The following CDHR3 variants were observed in gnomAD, a reference collection of about 807,000 sequenced individuals.
The protein encoded by CDHR3 is cadherin related family member 3, also known as cadherin-related family member 3.
CDHR3 carries 79 observed loss-of-function variants against 86.6 expected under a neutral mutation model. That is an observed-to-expected ratio of 0.91 (90% CI 0.76 to 1.10). The LOEUF is 1.10. CDHR3 is among the 50% of genes least tolerant of loss of function. The pLI, the probability that CDHR3 is intolerant of heterozygous loss-of-function variation, is 0.00. For synonymous variants in CDHR3, 421 were observed against 402.4 expected, an observed-to-expected ratio of 1.05 and a Z score of -0.55; for missense variants, 1,081 against 1,077.6, an observed-to-expected ratio of 1.00 and a Z score of -0.04.
At chr7:105,997,962 C>G (rs1019128201) in intron 6 of CDHR3, among the ~76,000 whole-genome samples, 1 of 151,402 alleles carries the variant, frequency 6.6e-6, no homozygotes, top group African/African-American at 2.4e-5. Flanking sequence ...TTAAGTCAGT[C>G]GACTTTATTT....
intron 1 of CDHR3, among the ~76,000 whole-genome samples, chr7:105,970,796 T>A (rs1040833139): frequency 1.3e-5 from 2 of 152,158 alleles, no homozygotes; most frequent in African/African-American, 4.8e-5. Flanking sequence ...TACTACTACT[T>A]CTTTTACAAA....
intron 15 of CDHR3, among the ~76,000 whole-genome samples, chr7:106,025,732 A>T (rs2115901995): frequency 6.6e-6 from 1 of 152,362 alleles, no homozygotes; most frequent in South Asian, 2.1e-4. Flanking sequence ...CATTAGAATA[A>T]AGATGTGCGT....
intron 4 of CDHR3, among the ~76,000 whole-genome samples, chr7:105,987,130 C>T (rs560687152): frequency 2.6e-5 from 4 of 152,110 alleles, no homozygotes; most frequent in Non-Finnish European, 4.4e-5. Context: ...GATCAGGTAG[C>T]TACCCTTTCA....
rs1294939267 is a variant in CDHR3, at chr7:106,028,599, T to G, written c.2304+17T>G. On this transcript the variant is annotated intron_variant, in intron 17 of 18. Transcript: ENST00000317716. ...GTCGTGGTGGTGAGTATGGGCAGTG[T>G]GGGGCACCAGGCATAGACGCTGGGG... is the stretch of plus-strand genomic sequence containing the variant. The G allele has an allele frequency of 6.2e-7, 1 of 1,613,720 alleles. No individual in the cohort carries two copies. The highest frequency in any genetic ancestry group is 1.1e-5 in the South Asian group (1 of 91,046).
At chr7:105,979,167 A>G (rs1397654913) in intron 2 of CDHR3, among the ~76,000 whole-genome samples, 1 of 152,132 alleles carries the variant, frequency 6.6e-6, no homozygotes, top group Non-Finnish European at 1.5e-5. Flanking sequence ...TATTATCCCC[A>G]TTTTACAGAT....
At chr7:106,002,253 T>A (rs1321088399) in intron 7 of CDHR3, among the ~76,000 whole-genome samples, 2 of 152,174 alleles carry the variant, frequency 1.3e-5, no homozygotes, top group African/African-American at 4.8e-5. Flanking sequence ...GAGAAAAGCA[T>A]ACGAATTCAT....
chr7:105,986,548 C>T (rs1830555830), intron 4 of CDHR3, among the ~76,000 whole-genome samples: 1 of 152,198 alleles, frequency 6.6e-6, no homozygotes, highest in African/African-American at 2.4e-5. Context: ...CAAAGTTTTA[C>T]ATGACGTGGG....
intron 6 of CDHR3, 123 bp downstream of exon 6, chr7:105,996,477 A>G: frequency 3.6e-6 from 2 of 553,250 alleles, no homozygotes; most frequent in South Asian, 5.2e-5. Context: ...TGCAGGAAAG[A>G]TTAGAGGCAC....
In CDHR3 at chr7:105,996,596, T is replaced by G. The variant is rs1008088187; in HGVS notation, c.713+242T>G. On this transcript the variant is annotated intron_variant, in intron 6 of 18. Coordinates refer to ENST00000317716, the MANE Select transcript of CDHR3 (RefSeq NM_152750.5). ...ATGCACCATGGGATTTTGGATATGG[T>G]GGGGAGAAGGGGTGGACACATGCCC... Among the ~76,000 whole-genome samples the G allele has an allele frequency of 2.6e-5, 4 of 152,016 alleles. No homozygotes were observed. In the South Asian group the frequency reaches 8.3e-4, roughly 31 times the overall value.
intron 8 of CDHR3, among the ~76,000 whole-genome samples, chr7:106,012,608 T>C (rs939317569): frequency 5.3e-4 from 81 of 152,294 alleles, no homozygotes; most frequent in African/African-American, 1.9e-3. Context: ...TGAGGAGCCA[T>C]TTGGGACTTA....
rs749963871 is a variant in CDHR3, at chr7:106,022,261, T to C, written c.1889T>C (p.Leu630Pro). 4 of 1,614,054 alleles carry C rather than the reference T, an allele frequency of 2.5e-6. No individual in the cohort carries two copies. The highest frequency in any genetic ancestry group is 1.3e-5 in the African/African-American group (1 of 75,052). ...GGTTCCAATGTCACACGCCTGCTGC[T>C]TACATCTCGCTTTGACTATGCTGGT... ...NAGSNVTRLL[L>P]TSRFDYAGGF... Residue 630 changes from leucine to proline, a missense_variant, in exon 14 of 19, where the codon CTT (leucine) becomes CCT (proline). Physicochemically the swap from Leu to Pro is moderately conservative, Grantham distance 98. Coordinates refer to ENST00000317716, the MANE Select transcript of CDHR3 (RefSeq NM_152750.5).
rs150497433 is a variant in CDHR3 at position 105,993,024 on chromosome 7, C to T, written c.514-1727C>T. ...TCTTCTTGTGCTGGGAGCTCAGCAG[C>T]GATCATAACACAGCAAATCGCTGGG... On this transcript the variant is annotated intron_variant, in intron 4 of 18. Coordinates refer to ENST00000317716, the MANE Select transcript of CDHR3 (RefSeq NM_152750.5). Among the ~76,000 whole-genome samples the T allele has an allele frequency of 8.0e-3, 1,220 of 152,286 alleles. 7 individuals are homozygous for T. The highest frequency in any genetic ancestry group is 0.013 in the Non-Finnish European group (890 of 68,022).
intron 8 of CDHR3, among the ~76,000 whole-genome samples, chr7:106,006,373 A>G (rs936571716): frequency 3.9e-5 from 6 of 152,226 alleles, no homozygotes; most frequent in African/African-American, 1.4e-4. Flanking sequence ...TACTCATTTC[A>G]GCATTAACTC....
intron 9 of CDHR3, 65 bp downstream of exon 9, chr7:106,013,096 T>G: frequency 7.0e-7 from 1 of 1,432,684 alleles, no homozygotes; most frequent in African/African-American, 1.4e-5. Context: ...CATCATGCTT[T>G]TGCTGCCCCA....
chr7:105,968,114 C>G (rs540454051), intron 1 of CDHR3, among the ~76,000 whole-genome samples: 1 of 152,200 alleles, frequency 6.6e-6, no homozygotes, highest in South Asian at 2.1e-4. Context: ...ATATAATGTA[C>G]AGAATCACTA....
rs1177780495 is a variant in CDHR3 at position 106,032,777 on chromosome 7, TA to T, written c.*81del. On this transcript the variant is annotated 3_prime_UTR_variant, in exon 19 of 19. Coordinates refer to ENST00000317716, the MANE Select transcript of CDHR3 (RefSeq NM_152750.5). ...CTATGGGGATGGTGTGGGCATGGTGTAGGGGGGAAAATGTGGGCTGAGGGGA... is the reference window on the plus strand; with the variant it reads ...CTATGGGGATGGTGTGGGCATGGTGTGGGGGGAAAATGTGGGCTGAGGGGA... 4.1e-5 allele frequency: 58 copies of T among 1,422,672 alleles called. No homozygotes were observed. The highest frequency in any genetic ancestry group is 5.5e-5 in the Non-Finnish European group (58 of 1,062,400). The allele number at this position is 1,422,672 out of a possible 1,614,324, so 88.1% of individuals were successfully genotyped here. A position where few individuals can be genotyped will look rare whatever the true frequency, so the allele number is the denominator to read the frequency against.
Position 106,033,389 on chromosome 7 carries a change from A to G in CDHR3, c.*692A>G, listed in dbSNP as rs1838647269. On this transcript the variant is annotated 3_prime_UTR_variant, in exon 19 of 19. Coordinates refer to ENST00000317716, the MANE Select transcript of CDHR3 (RefSeq NM_152750.5). Reference sequence around the variant, plus strand: ...TCATTCTATGATTATATCACAATTTATCTATTCTACACTTGGGTGGCAGCT... The same window carrying G: ...TCATTCTATGATTATATCACAATTTGTCTATTCTACACTTGGGTGGCAGCT... 6.6e-6 allele frequency: 1 copy of G among 152,168 alleles called. No homozygotes were observed. Among genetic ancestry groups the G allele is most frequent in the Non-Finnish European group, 1.5e-5 (1 of 68,038 alleles). 9.4% of individuals were successfully genotyped at this position (152,168 alleles called of 1,614,324 possible).
intron 2 of CDHR3, among the ~76,000 whole-genome samples, chr7:105,980,550 G>C (rs1829488320): frequency 7.0e-6 from 1 of 142,608 alleles, no homozygotes; most frequent in African/African-American, 2.6e-5. Context: ...GTAGTTAAAG[G>C]ATTTTTCTAG....
At chr7:106,029,685 G>T (rs1363369045) in intron 17 of CDHR3, among the ~76,000 whole-genome samples, 2 of 152,052 alleles carry the variant, frequency 1.3e-5, no homozygotes, top group Non-Finnish European at 2.9e-5. Context: ...CATGGTCCAA[G>T]CTTCATGAAT....
Sources: allele counts gnomAD v4.1 joint callset (sites outside exome capture counted in the v4.1 genomes callset), GRCh38; gene constraint gnomAD v4.1.1; transcripts MANE v1.5; gene names NCBI Gene and HGNC (gene_info 2026-07-23, HGNC 2026-07-21).